MELTF: variants seen among roughly 807,000 people sequenced by gnomAD.
The protein encoded by MELTF is antigen p97 (melanoma associated) identified by monoclonal antibodies 133.2 and 96.5.
In MELTF, 67 loss-of-function variants were observed where a neutral mutation model predicts 83.7. The ratio of observed to expected loss-of-function variants is 0.80; its 90% CI spans 0.66 to 0.98. The LOEUF (loss-of-function observed/expected upper bound fraction) is 0.98. MELTF is among the 50% of genes least tolerant of loss of function. The pLI, the probability that MELTF is intolerant of heterozygous loss-of-function variation, is 0.00. For missense variants in MELTF, 1,002 were observed against 1,035.6 expected, an observed-to-expected ratio of 0.97 and a Z score of 0.44; for synonymous variants, 462 against 447.6, an observed-to-expected ratio of 1.03 and a Z score of -0.41.
At position 197,027,864 on chromosome 3, in the gene MELTF, C is replaced by T; in HGVS notation, c.96G>A (p.Glu32=). Residue 32 remains glutamate, a synonymous_variant, in exon 2 of 16, where the codon GAG becomes GAA. Coordinates refer to ENST00000296350, the MANE Select transcript of MELTF (RefSeq NM_005929.6). ...CGCTCATGTTGCCGCACTTGTGCTGCTCTGGGTCCGAGGTGGCGCACCACC... is the reference window on the plus strand; with the variant it reads ...CGCTCATGTTGCCGCACTTGTGCTGTTCTGGGTCCGAGGTGGCGCACCACC... The part of the protein sequence containing the change: ...EVRWCATSDP[E]QHKCGNMSEA... The T allele has an allele frequency of 6.2e-7, 1 of 1,609,820 alleles. No individual in the cohort carries two copies.
rs1037233844 is a variant in MELTF at position 197,011,865 on chromosome 3, C to T, written c.1234-1071G>A. The stretch of plus-strand genomic sequence containing the variant: ...AGGAGCCCCTGAAGTCTCTCCTCTT[C>T]CTGCAGGCCCCAGGGCAGCCCCGTG... On this transcript the variant is annotated intron_variant, in intron 9 of 15. Coordinates refer to ENST00000296350, the MANE Select transcript of MELTF (RefSeq NM_005929.6). The surrounding 1 kb of genome is among the most constrained non-coding windows in gnomAD (Gnocchi z 4.2). 2.0e-5 allele frequency among the ~76,000 whole-genome samples: 3 copies of T among 152,172 alleles called. No homozygotes were observed. Among genetic ancestry groups the T allele is most frequent in the Admixed American group, 1.3e-4 (2 of 15,284 alleles).
chr3:197,010,601 A>G (rs1486762676), intron 10 of MELTF, 97 bp downstream of exon 10: 17 of 1,024,008 alleles, frequency 1.7e-5, no homozygotes, highest in Non-Finnish European at 2.2e-5. Context: ...GGAGAGAGGC[A>G]TGGAGCTTTT....
Position 197,010,705 on chromosome 3 carries a change from G to A in MELTF, c.1323C>T (p.His441=). ...TYGLVPAAGE[H]YAPEDSSNSY... is the part of the protein sequence containing the mutation. Reference sequence around the variant, plus strand: ...GGCAGGCCCTGCACTCACGGGCATAGTGCTCCCCGGCTGCGGGAACCAGGC... The same window carrying A: ...GGCAGGCCCTGCACTCACGGGCATAATGCTCCCCGGCTGCGGGAACCAGGC... The change falls in exon 10 of 16, where the codon CAC becomes CAT. Residue 441 remains histidine, a synonymous_variant. Coordinates refer to ENST00000296350, the MANE Select transcript of MELTF (RefSeq NM_005929.6). 2 of 1,612,994 alleles carry A rather than the reference G, an allele frequency of 1.2e-6. No homozygotes were observed. The highest frequency in any genetic ancestry group is 2.2e-5 in the South Asian group (2 of 91,084).
Position 197,017,275 on chromosome 3 carries a change from G to GAGGGAAGCGTCTTCCC in MELTF, c.713-1_727dup (p.Ser243TrpfsTer24). 1 of 1,560,002 alleles carries GAGGGAAGCGTCTTCCC rather than the reference G, an allele frequency of 6.4e-7. No individual in the cohort carries two copies. The highest frequency in any genetic ancestry group is 8.7e-7 in the Non-Finnish European group (1 of 1,152,074). ...CTGTGACAGCAGGGCCTGGCCCCAG[G>GAGGGAAGCGTCTTCCC]AGGGAAGCGTCTTCCCTGGGAAGCA... On this transcript the variant is annotated frameshift_variant, in exon 7 of 16. Transcript: ENST00000296350. LOFTEE classifies it high-confidence loss of function.
rs769715658 is a variant in MELTF, at chr3:197,022,237, C to A, written c.644+720G>T. Among the ~76,000 whole-genome samples, 1 of 152,074 alleles carries A rather than the reference C, an allele frequency of 6.6e-6. No individual in the cohort carries two copies. Among genetic ancestry groups the A allele is most frequent in the South Asian group, 2.1e-4 (1 of 4,826 alleles). ...AAAATGCACAGGGATTAGAGCAGAT[C>A]GGGGCGGGCGACATCAGGAGAGGGC... is the stretch of plus-strand genomic sequence containing the variant. On this transcript the variant is annotated intron_variant, in intron 5 of 15. Transcript: ENST00000296350. The surrounding 1 kb of genome is among the most constrained non-coding windows in gnomAD (Gnocchi z 5.1).
At position 197,029,511 on chromosome 3, in the gene MELTF, A is replaced by C. The variant is rs1577952811; in HGVS notation, c.49+143T>G. The C allele has an allele frequency of 8.6e-6, 5 of 583,284 alleles. No individual in the cohort carries two copies. In the South Asian group the frequency reaches 4.5e-4, roughly 53 times the overall value. The allele number at this position is 583,284 out of a possible 1,614,324, so 36.1% of individuals were successfully genotyped here. The stretch of plus-strand genomic sequence containing the variant: ...AGTGCTAGTTCCCTCCGCCGTCCTC[A>C]CTCGACCCCGAGCCCCTGCCTCCCC... On this transcript the variant is annotated intron_variant, in intron 1 of 15. Coordinates refer to ENST00000296350, the MANE Select transcript of MELTF (RefSeq NM_005929.6). The surrounding 1 kb of genome is among the most constrained non-coding windows in gnomAD (Gnocchi z 6.5).
At position 197,029,712 on chromosome 3, in the gene MELTF, G is replaced by T. The variant is rs962027035; in HGVS notation, c.-10C>A. 8.1e-7 allele frequency: 1 copy of T among 1,235,464 alleles called. No homozygotes were observed. Among genetic ancestry groups the T allele is most frequent in the East Asian group, 3.1e-5 (1 of 31,912 alleles). 76.5% of individuals were successfully genotyped at this position (1,235,464 alleles called of 1,614,324 possible). A position where few individuals can be genotyped will look rare whatever the true frequency, so the allele number is the denominator to read the frequency against. Reference sequence around the variant, plus strand: ...CGCTCGGACCCCGCATGGCGCCGTCGGGGCTGGCTGGGGCCGGGCTGGGGC... The same window carrying T: ...CGCTCGGACCCCGCATGGCGCCGTCTGGGCTGGCTGGGGCCGGGCTGGGGC... On this transcript the variant is annotated 5_prime_UTR_variant, in exon 1 of 16. Transcript: ENST00000296350. The surrounding 1 kb of genome is among the most constrained non-coding windows in gnomAD (Gnocchi z 6.5).
intron 3 of MELTF, chr3:197,025,883 G>C (rs1333466475): frequency 6.6e-6 from 1 of 152,464 alleles, no homozygotes. Flanking sequence ...GAGGCTTGCA[G>C]AGGCCATGTG....
chr3:197,029,547 C>T lies in MELTF; in HGVS notation c.49+107G>A, dbSNP rs1720002171. On this transcript the variant is annotated intron_variant, in intron 1 of 15. Transcript: ENST00000296350. This position sits in a 1 kb window ranked among gnomAD's most constrained non-coding sequence, Gnocchi z 6.5. ...AGCCCCTGCCTCCCCCGTCTCACTG[C>T]CCCGGAGCCGCAGGCTCAGGCACAT... The T allele has an allele frequency of 2.1e-6, 2 of 948,182 alleles. No homozygotes were observed. The highest frequency in any genetic ancestry group is 1.7e-5 in the African/African-American group (1 of 58,890). 58.7% of individuals were successfully genotyped at this position (948,182 alleles called of 1,614,324 possible).
chr3:197,026,755 T>G lies in MELTF; in HGVS notation c.209A>C (p.Gln70Pro). ...ATCCAGAGTGATGGCGTCAGCCTCC[T>G]GGGCCTGCAAGGAAATGTGGCTCAG... ...ADHCVQLIAA[Q>P]EADAITLDGG... The change falls in exon 3 of 16, where the codon CAG (glutamine) becomes CCG (proline). Residue 70 changes from glutamine (Q) to proline (P), a missense_variant. Gln to Pro is a moderately conservative substitution (Grantham distance 76). Transcript: ENST00000296350. 1.2e-6 allele frequency: 2 copies of G among 1,611,926 alleles called. No individual in the cohort carries two copies. The highest frequency in any genetic ancestry group is 4.5e-5 in the East Asian group (2 of 44,882).
At chr3:197,004,447 AG>A in intron 14 of MELTF, 1 of 357,054 alleles carries the variant, frequency 2.8e-6, no homozygotes, top group Non-Finnish European at 5.3e-6. Context: ...AGGCCTGCTG[AG>A]CACTTCTTGG....
At chr3:197,028,491 G>T (rs1303389356) in intron 1 of MELTF, 2 of 154,210 alleles carry the variant, frequency 1.3e-5, no homozygotes, top group African/African-American at 4.8e-5. Flanking sequence ...GCACAGAGGG[G>T]AGGCTGAGGA....
At chr3:197,021,344 C>A in intron 6 of MELTF, 60 bp downstream of exon 6, 1 of 1,562,892 alleles carries the variant, frequency 6.4e-7, no homozygotes, top group Admixed American at 1.7e-5. Context: ...AGGGTCCCTG[C>A]CCCAAGCCGG....
chr3:197,005,945 G>A (rs1718959090), intron 14 of MELTF, among the ~76,000 whole-genome samples: 1 of 148,838 alleles, frequency 6.7e-6, no homozygotes. Context: ...GATTGGCCGG[G>A]CACAGTGGCT....
At position 197,008,584 on chromosome 3, in the gene MELTF, G is replaced by T; in HGVS notation, c.1750+73C>A. 1 of 1,503,220 alleles carries T rather than the reference G, an allele frequency of 6.7e-7. No homozygotes were observed. Among genetic ancestry groups the T allele is most frequent in the East Asian group, 2.3e-5 (1 of 44,102 alleles). 93.1% of individuals were successfully genotyped at this position (1,503,220 alleles called of 1,614,324 possible). ...TGCTGCTTGGCCCCAGCCCAGCATGGTGTCTGGATGGTGCTGAAGATGGGG... is the reference window on the plus strand; with the variant it reads ...TGCTGCTTGGCCCCAGCCCAGCATGTTGTCTGGATGGTGCTGAAGATGGGG... On this transcript the variant is annotated intron_variant, in intron 13 of 15. Coordinates refer to ENST00000296350, the MANE Select transcript of MELTF (RefSeq NM_005929.6). The surrounding 1 kb of genome is among the most constrained non-coding windows in gnomAD (Gnocchi z 5.4).
Position 197,009,895 on chromosome 3 carries a change from C to G in MELTF, c.1331-83G>C, listed in dbSNP as rs983470627. 39 of 1,234,190 alleles carry G rather than the reference C, an allele frequency of 3.2e-5. No homozygotes were observed. In the African/African-American group the frequency reaches 5.0e-4, roughly 16 times the overall value. 76.5% of individuals were successfully genotyped at this position (1,234,190 alleles called of 1,614,324 possible). A position where few individuals can be genotyped will look rare whatever the true frequency, so the allele number is the denominator to read the frequency against. On this transcript the variant is annotated intron_variant, in intron 10 of 15. Coordinates refer to ENST00000296350, the MANE Select transcript of MELTF (RefSeq NM_005929.6). ...TGGGGGGGTCCTTCCTTCAAACCCA[C>G]TCCTTCCTGTCTCTTTGCCTGAGCT...
At chr3:197,020,763 G>C (rs932477363) in intron 6 of MELTF, among the ~76,000 whole-genome samples, 3 of 151,870 alleles carry the variant, frequency 2.0e-5, no homozygotes, top group African/African-American at 7.3e-5. Context: ...CTGCCTCCTG[G>C]GTTCAAGCAA....
At chr3:197,013,540 A>G (rs1489680391) in intron 9 of MELTF, among the ~76,000 whole-genome samples, 1 of 152,254 alleles carries the variant, frequency 6.6e-6, no homozygotes, top group African/African-American at 2.4e-5. Context: ...CAAACAAACA[A>G]GTTTCTGCAC....
chr3:197,018,973 A>G (rs754362345), intron 6 of MELTF: 41 of 985,298 alleles, frequency 4.2e-5, no homozygotes, highest in Admixed American at 3.1e-4. Flanking sequence ...CAATATTTTT[A>G]TGACCTTAAG....
Sources: gnomAD v4.1 joint callset for allele counts (sites outside exome capture counted in the v4.1 genomes callset) on GRCh38, gnomAD v4.1.1 for gene constraint, Gnocchi (gnomAD v3.1) non-coding constraint, MANE v1.5 for transcripts, NCBI Gene and HGNC (gene_info 2026-07-23, HGNC 2026-07-21) for gene names.